Variants in PCSK5 observed in about 807,000 individuals in gnomAD.
PCSK5 encodes the protein proprotein convertase subtilisin/kexin type 5.
PCSK5 carries 129 observed loss-of-function variants against 233.2 expected under a neutral mutation model. The ratio of observed to expected loss-of-function variants is 0.55; its 90% CI spans 0.48 to 0.64. The LOEUF is 0.64. Ranked by LOEUF, PCSK5 falls within the 30% of genes least tolerant of loss-of-function variation. The pLI is 0.00. For synonymous variants in PCSK5, 825 were observed against 879.2 expected (o/e 0.94, Z 1.09); for missense variants, 2,076 against 2,430.1 (o/e 0.85, Z 3.06).
At chr9:76,294,153 T>C (rs911903951) in intron 25 of PCSK5, among the ~76,000 whole-genome samples, 31 of 147,494 alleles carry the variant, frequency 2.1e-4, no homozygotes, top group Non-Finnish European at 3.7e-4. Flanking sequence ...GCCAAGATCA[T>C]GCCATTGCAC....
At chr9:76,197,361 C>T (rs925395956) in intron 20 of PCSK5, among the ~76,000 whole-genome samples, 1 of 152,158 alleles carries the variant, frequency 6.6e-6, no homozygotes, top group Non-Finnish European at 1.5e-5. Context: ...CTACCAGATT[C>T]ATTATTTTCC....
intron 21 of PCSK5, among the ~76,000 whole-genome samples, chr9:76,231,154 G>T (rs1380659736): frequency 6.6e-6 from 1 of 152,130 alleles, no homozygotes; most frequent in Non-Finnish European, 1.5e-5. Context: ...CATGGCAGAA[G>T]GCAAAGGGGA....
chr9:75,964,154 C>T (rs1339577602), intron 2 of PCSK5, among the ~76,000 whole-genome samples: 2 of 152,002 alleles, frequency 1.3e-5, no homozygotes, highest in Admixed American at 6.5e-5. Context: ...TCTGCTGCAT[C>T]GTTTTTTTTC....
chr9:76,020,472 C>T (rs1397198279), intron 3 of PCSK5, among the ~76,000 whole-genome samples: 1 of 152,190 alleles, frequency 6.6e-6, no homozygotes, highest in Non-Finnish European at 1.5e-5. Flanking sequence ...CACCTTATTA[C>T]TCACATTTGC....
intron 10 of PCSK5, among the ~76,000 whole-genome samples, chr9:76,155,001 T>G (rs1823827264): frequency 6.6e-6 from 1 of 152,196 alleles, no homozygotes. Context: ...TTTTGATAAT[T>G]TTCATTTTGT....
intron 10 of PCSK5, among the ~76,000 whole-genome samples, chr9:76,143,911 A>G (rs1039074935): frequency 6.6e-6 from 1 of 152,114 alleles, no homozygotes; most frequent in Non-Finnish European, 1.5e-5. Context: ...ATTGCTCACC[A>G]TGACTTCCGA....
At position 76,189,611 on chromosome 9, in the gene PCSK5, AT is replaced by A; in HGVS notation, c.2511-18del. 1 of 1,507,996 alleles carries A rather than the reference AT, an allele frequency of 6.6e-7. No homozygotes were observed. Among genetic ancestry groups the A allele is most frequent in the East Asian group, 2.3e-5 (1 of 44,326 alleles). The allele number at this position is 1,507,996 out of a possible 1,614,324, so 93.4% of individuals were successfully genotyped here. A position where few individuals can be genotyped will look rare whatever the true frequency, so the allele number is the denominator to read the frequency against. On this transcript the variant is annotated intron_variant, in intron 19 of 37. Transcript: ENST00000674117. ...TGTGCATGTGTGAATGGATTAAAAA[AT>A]TGTACATTTTTCTCATAGATGTGAT...
intron 2 of PCSK5, among the ~76,000 whole-genome samples, chr9:75,935,056 T>C (rs56149136): frequency 0.12 from 18,760 of 152,172 alleles, 1,228 homozygotes; most frequent in Middle Eastern, 0.13. Context: ...CACACACATG[T>C]ACACATTTTT....
At chr9:76,053,431 A>G (rs1441851790) in intron 5 of PCSK5, among the ~76,000 whole-genome samples, 1 of 152,138 alleles carries the variant, frequency 6.6e-6, no homozygotes, top group Non-Finnish European at 1.5e-5. Flanking sequence ...TCTCCCCGAA[A>G]ATGGGTTCTT....
At chr9:76,282,743 A>T (rs1398679155) in intron 24 of PCSK5, among the ~76,000 whole-genome samples, 3 of 152,334 alleles carry the variant, frequency 2.0e-5, no homozygotes, top group Non-Finnish European at 4.4e-5. Flanking sequence ...TAGTGAGCAT[A>T]GTACCCAATA....
intron 10 of PCSK5, among the ~76,000 whole-genome samples, chr9:76,137,731 T>C (rs535548220): frequency 6.6e-6 from 1 of 152,178 alleles, no homozygotes; most frequent in African/African-American, 2.4e-5. Flanking sequence ...AATAGGGAAT[T>C]ATTTGCCTTA....
At chr9:76,159,749 C>T (rs1474225147) in intron 12 of PCSK5, among the ~76,000 whole-genome samples, 3 of 150,794 alleles carry the variant, frequency 2.0e-5, no homozygotes, top group East Asian at 3.9e-4. Context: ...TACTGAGAGG[C>T]GCAGGCTAGA....
intron 10 of PCSK5, among the ~76,000 whole-genome samples, chr9:76,139,542 A>G (rs1823119050): frequency 1.3e-5 from 2 of 152,030 alleles, no homozygotes; most frequent in Non-Finnish European, 2.9e-5. Context: ...TCTTGATCCC[A>G]CTTGCAGAAA....
At chr9:76,310,612 C>G in intron 29 of PCSK5, 44 bp from the exon 30 acceptor site, 1 of 1,310,672 alleles carries the variant, frequency 7.6e-7, no homozygotes, top group Non-Finnish European at 1.0e-6. Flanking sequence ...CATGGAAAAC[C>G]ACATGATGAC....
chr9:75,981,802 A>C (rs1563953266), intron 2 of PCSK5, among the ~76,000 whole-genome samples: 1 of 152,130 alleles, frequency 6.6e-6, no homozygotes, highest in Non-Finnish European at 1.5e-5. Flanking sequence ...GGCATAAACC[A>C]TCCTCCTGCC....
intron 24 of PCSK5, among the ~76,000 whole-genome samples, chr9:76,271,050 G>A (rs1283607699): frequency 6.6e-6 from 1 of 152,032 alleles, no homozygotes; most frequent in South Asian, 2.1e-4. Context: ...TCCCACTCCT[G>A]AGTCCCAGGG....
At chr9:76,190,478 G>T (rs939565914) in intron 20 of PCSK5, among the ~76,000 whole-genome samples, 6 of 151,966 alleles carry the variant, frequency 3.9e-5, no homozygotes, top group Admixed American at 1.3e-4. Flanking sequence ...TGCACATAGA[G>T]TTTTGTATCT....
intron 24 of PCSK5, among the ~76,000 whole-genome samples, chr9:76,255,624 T>C (rs761331312): frequency 1.4e-4 from 21 of 151,792 alleles, no homozygotes; most frequent in Non-Finnish European, 2.5e-4. Flanking sequence ...AAGTCAGGAG[T>C]TCAAAACCAG....
rs149593883 is a variant in PCSK5, at chr9:76,091,033, C to T, written c.895-4857C>T. Among the ~76,000 whole-genome samples the T allele has an allele frequency of 1.1e-4, 17 of 152,150 alleles. No individual in the cohort carries two copies. In the East Asian group the frequency reaches 1.9e-3, roughly 17 times the overall value. ...GATCTGACAGGAGGTAGAGCTCAGG[C>T]GGTAAGAGAGTAATGGAGAATGGCT... On this transcript the variant is annotated intron_variant, in intron 7 of 37. Transcript: ENST00000674117.
Sources: gnomAD v4.1 joint callset for allele counts (sites outside exome capture counted in the v4.1 genomes callset) on GRCh38, gnomAD v4.1.1 for gene constraint, MANE v1.5 for transcripts, NCBI Gene and HGNC (gene_info 2026-07-23, HGNC 2026-07-21) for gene names.